PCDH15: variants seen among roughly 807,000 people sequenced by gnomAD.
PCDH15 encodes protocadherin-15.
A neutral mutation model predicts 178.5 loss-of-function variants in PCDH15; 129 were observed. The observed-to-expected ratio is 0.72, with a 90% CI of 0.63 to 0.84. PCDH15 has a LOEUF of 0.84. PCDH15 is among the 40% of genes least tolerant of loss of function. The pLI is 0.00. For missense variants in PCDH15, 2,230 were observed against 2,099.9 expected (o/e 1.06, Z -1.21); for synonymous variants, 800 against 732.0 (o/e 1.09, Z -1.50).
intron 2 of PCDH15, among the ~76,000 whole-genome samples, chr10:54,994,437 GA>G (rs1218939037): frequency 3.9e-5 from 6 of 151,904 alleles, no homozygotes; most frequent in African/African-American, 1.2e-4. Flanking sequence ...TAACAGTAAT[GA>G]AAAAAATACT....
intron 1 of PCDH15, among the ~76,000 whole-genome samples, chr10:54,711,567 G>C (rs913593141): frequency 6.6e-6 from 1 of 151,780 alleles, no homozygotes; most frequent in South Asian, 2.1e-4. Context: ...TTCTGAGTAG[G>C]TATAGACCTT....
intron 1 of PCDH15, among the ~76,000 whole-genome samples, chr10:54,687,516 A>T (rs919075193): frequency 1.1e-4 from 16 of 152,094 alleles, no homozygotes; most frequent in African/African-American, 3.9e-4. Flanking sequence ...ACTCTTTTGA[A>T]TCTTATGCTT....
chr10:55,070,907 G>A (rs1292599049), intron 2 of PCDH15, among the ~76,000 whole-genome samples: 1 of 152,124 alleles, frequency 6.6e-6, no homozygotes, highest in Non-Finnish European at 1.5e-5. Context: ...TCCTTCCCAT[G>A]AGCATGGAAT....
At chr10:54,316,064 T>C (rs546156336) in intron 8 of PCDH15, among the ~76,000 whole-genome samples, 1 of 152,198 alleles carries the variant, frequency 6.6e-6, no homozygotes, top group Non-Finnish European at 1.5e-5. Flanking sequence ...AGTCAAGTTC[T>C]GATTAGCTTT....
chr10:54,226,617 C>T (rs959744701), intron 9 of PCDH15, among the ~76,000 whole-genome samples: 12 of 152,150 alleles, frequency 7.9e-5, no homozygotes, highest in African/African-American at 2.9e-4. Flanking sequence ...CATTTCAAAA[C>T]AATTCATGCC....
At chr10:54,543,280 T>C (rs2085467214) in intron 2 of PCDH15, among the ~76,000 whole-genome samples, 1 of 152,220 alleles carries the variant, frequency 6.6e-6, no homozygotes, top group African/African-American at 2.4e-5. Flanking sequence ...GAAATCCCTC[T>C]GTCCTTGTGA....
At chr10:54,209,413 T>C (rs1693320211) in intron 10 of PCDH15, among the ~76,000 whole-genome samples, 1 of 151,706 alleles carries the variant, frequency 6.6e-6, no homozygotes, top group Non-Finnish European at 1.5e-5. Flanking sequence ...ATGAGCAGAG[T>C]TGAGATATTC....
intron 1 of PCDH15, among the ~76,000 whole-genome samples, chr10:54,700,373 C>T (rs372240255): frequency 1.4e-4 from 22 of 151,908 alleles, no homozygotes; most frequent in African/African-American, 3.6e-4. Flanking sequence ...CTGAAATGAC[C>T]GAAATGCCAG....
rs189428662 is a variant in PCDH15, at chr10:55,402,873, T to G, written c.-156+224752A>C. ...ATTGCTGAATCATATGGTAGTTCTATTTTTAGATTTGGGAAAAACAACCAT... is the reference window on the plus strand; with the variant it reads ...ATTGCTGAATCATATGGTAGTTCTAGTTTTAGATTTGGGAAAAACAACCAT... On this transcript the variant is annotated intron_variant, in intron 2 of 5. Coordinates refer to the PCDH15 transcript ENST00000613346. 5.1e-3 allele frequency among the ~76,000 whole-genome samples: 777 copies of G among 152,112 alleles called. 8 individuals are homozygous for G. Among genetic ancestry groups the G allele is most frequent in the Middle Eastern group, 0.027 (8 of 294 alleles).
intron 2 of PCDH15, among the ~76,000 whole-genome samples, chr10:55,448,868 A>T (rs2132078428): frequency 6.6e-6 from 1 of 152,152 alleles, no homozygotes; most frequent in Non-Finnish European, 1.5e-5. Context: ...TTCTACTGAG[A>T]TTAAGAAGCC....
chr10:54,943,575 C>T (rs990151665), intron 2 of PCDH15, among the ~76,000 whole-genome samples: 2 of 151,890 alleles, frequency 1.3e-5, no homozygotes, highest in African/African-American at 2.4e-5. Context: ...TGCAAGCACA[C>T]AACTATGGAG....
At chr10:54,962,229 C>T (rs558963011) in intron 2 of PCDH15, among the ~76,000 whole-genome samples, 1 of 152,310 alleles carries the variant, frequency 6.6e-6, no homozygotes, top group South Asian at 2.1e-4. Flanking sequence ...GAGCCCAGAC[C>T]TTGGTATTCC....
At chr10:54,285,166 A>C (rs1186853011) in intron 8 of PCDH15, among the ~76,000 whole-genome samples, 1 of 152,140 alleles carries the variant, frequency 6.6e-6, no homozygotes, top group African/African-American at 2.4e-5. Context: ...CAACCATATA[A>C]TACTTCATGA....
intron 15 of PCDH15, among the ~76,000 whole-genome samples, chr10:54,091,730 C>G (rs2094603923): frequency 6.6e-6 from 1 of 152,198 alleles, no homozygotes; most frequent in South Asian, 2.1e-4. Flanking sequence ...CCTATGACAT[C>G]ATATTGTCCT....
At chr10:55,474,655 G>C (rs560816438) in intron 2 of PCDH15, among the ~76,000 whole-genome samples, 1 of 152,198 alleles carries the variant, frequency 6.6e-6, no homozygotes, top group South Asian at 2.1e-4. Flanking sequence ...GTATCAAAAG[G>C]AAAACAATGA....
In PCDH15 at chr10:54,369,213, A is replaced by G. The variant is rs200759927; in HGVS notation, c.381T>C (p.Thr127=). The G allele has an allele frequency of 6.2e-7, 1 of 1,612,942 alleles. No individual in the cohort carries two copies. Among genetic ancestry groups the G allele is most frequent in the African/African-American group, 1.3e-5 (1 of 74,860 alleles). ...QVQCINKKVG[T]IIYHEVRIVV... is the part of the protein sequence containing the mutation. ...CTATTCGCACTTCATGGTAGATAATAGTGCCCACTTTTTTGTTGATGCACT... is the reference window on the plus strand; with the variant it reads ...CTATTCGCACTTCATGGTAGATAATGGTGCCCACTTTTTTGTTGATGCACT... Residue 127 remains threonine, a synonymous_variant, in exon 5 of 38, where the codon ACT becomes ACC. Coordinates refer to ENST00000644397, the MANE Select transcript of PCDH15 (RefSeq NM_001384140.1).
At chr10:54,312,018 G>A (rs1033594159) in intron 8 of PCDH15, among the ~76,000 whole-genome samples, 54 of 152,124 alleles carry the variant, frequency 3.5e-4, no homozygotes, top group African/African-American at 1.1e-3. Context: ...CATCAACATA[G>A]GTGAACAGGT....
intron 13 of PCDH15, among the ~76,000 whole-genome samples, chr10:54,154,650 G>A (rs1051132950): frequency 6.6e-6 from 1 of 152,138 alleles, no homozygotes; most frequent in African/African-American, 2.4e-5. Flanking sequence ...TGCTGAAGGG[G>A]TTATATTATG....
At chr10:55,474,079 T>A (rs537689027) in intron 2 of PCDH15, among the ~76,000 whole-genome samples, 2 of 152,264 alleles carry the variant, frequency 1.3e-5, no homozygotes, top group African/African-American at 4.8e-5. Context: ...AGTATATTCA[T>A]GTTGCGTTGA....
Sources: gnomAD v4.1 joint callset for allele counts (sites outside exome capture counted in the v4.1 genomes callset) on GRCh38, gnomAD v4.1.1 for gene constraint, MANE v1.5 for transcripts, NCBI Gene and HGNC (gene_info 2026-07-23, HGNC 2026-07-21) for gene names.